Variants in PCDH11Y observed in about 807,000 individuals in gnomAD.
PCDH11Y encodes protocadherin 11 Y-linked.
For missense variants in PCDH11Y, 12 were observed against 224.8 expected (o/e 0.05, Z 6.05); for synonymous variants, 9 against 83.6 (o/e 0.11, Z 4.87).
At chrY:5,311,882 C>T in intron 2 of PCDH11Y, among the ~76,000 whole-genome samples, 1 of 27,443 alleles carries the variant, frequency 3.6e-5, no homozygotes, top group Non-Finnish European at 8.6e-5. Flanking sequence ...TTAGTAGTGG[C>T]GGGGTTTCTG....
intron 2 of PCDH11Y, among the ~76,000 whole-genome samples, chrY:5,123,981 G>C (rs2052822039): frequency 3.0e-5 from 1 of 33,230 alleles, no homozygotes; most frequent in Non-Finnish European, 7.4e-5. Flanking sequence ...CTATTTTTGA[G>C]TTTGAAGAAG....
rs1602954030 is a variant in PCDH11Y, at chrY:5,629,088, T to G, written c.3352+47290T>G. ...TCACTGGAGCCTTAATATCTTTTCC[T>G]TTTTCTGAGACTAATATTGAAATAT... On this transcript the variant is annotated intron_variant, in intron 4 of 4. Coordinates refer to the PCDH11Y transcript ENST00000400457. 1.5e-4 allele frequency among the ~76,000 whole-genome samples: 5 copies of G among 33,797 alleles called. No individual in the cohort carries two copies. In the East Asian group the frequency reaches 3.9e-3, roughly 26 times the overall value. 90.7% of individuals were successfully genotyped at this position (33,797 alleles called of 37,273 possible).
chrY:5,367,259 G>A, intron 2 of PCDH11Y, among the ~76,000 whole-genome samples: 2 of 31,712 alleles, frequency 6.3e-5, no homozygotes, highest in South Asian at 1.4e-3. Context: ...TTACAAATAC[G>A]GGTAACTTGT....
At chrY:5,481,998 T>TC (rs2053326492) in intron 2 of PCDH11Y, among the ~76,000 whole-genome samples, 1 of 21,666 alleles carries the variant, frequency 4.6e-5, no homozygotes, top group Non-Finnish European at 1.1e-4. Context: ...TCTTTTTTCT[T>TC]TTTTTTTTTT....
intron 2 of PCDH11Y, among the ~76,000 whole-genome samples, chrY:5,384,872 A>G: frequency 3.7e-5 from 1 of 27,170 alleles, no homozygotes; most frequent in African/African-American, 1.5e-4. Flanking sequence ...GCCCTCTTCA[A>G]TTGTTTGTTA....
chrY:5,662,004 G>T, intron 4 of PCDH11Y, among the ~76,000 whole-genome samples: 1 of 32,306 alleles, frequency 3.1e-5, no homozygotes, highest in Non-Finnish European at 7.6e-5. Flanking sequence ...CTCTCTAGTG[G>T]CAGAAATCTA....
chrY:5,137,054 G>A, intron 2 of PCDH11Y, among the ~76,000 whole-genome samples: 1 of 32,511 alleles, frequency 3.1e-5, no homozygotes, highest in African/African-American at 1.2e-4. Context: ...ACAAAGGAAA[G>A]AATCTTAAGA....
At chrY:5,186,123 G>C in intron 2 of PCDH11Y, among the ~76,000 whole-genome samples, 1 of 33,291 alleles carries the variant, frequency 3.0e-5, no homozygotes, top group Non-Finnish European at 7.4e-5. Flanking sequence ...TGAGGCAAGA[G>C]AAAGAAATAA....
At chrY:5,213,715 C>G in intron 2 of PCDH11Y, among the ~76,000 whole-genome samples, 1 of 31,485 alleles carries the variant, frequency 3.2e-5, no homozygotes, top group Non-Finnish European at 7.7e-5. Context: ...TAGAAGGCCT[C>G]AAGAAAGTCC....
At chrY:5,577,647 A>C in intron 3 of PCDH11Y, among the ~76,000 whole-genome samples, 1 of 33,021 alleles carries the variant, frequency 3.0e-5, no homozygotes, top group Admixed American at 2.8e-4. Flanking sequence ...TTAATTTTAT[A>C]TTTGCAATAC....
At chrY:5,339,961 T>G in intron 2 of PCDH11Y, among the ~76,000 whole-genome samples, 1 of 32,403 alleles carries the variant, frequency 3.1e-5, no homozygotes, top group Non-Finnish European at 7.5e-5. Flanking sequence ...TAGTCAGGGT[T>G]TTCTAGAGGG....
intron 2 of PCDH11Y, among the ~76,000 whole-genome samples, chrY:5,386,019 C>G: frequency 3.0e-5 from 1 of 33,276 alleles, no homozygotes; most frequent in Non-Finnish European, 7.4e-5. Context: ...CTTGATAGCT[C>G]CTTTTAGCAG....
intron 4 of PCDH11Y, among the ~76,000 whole-genome samples, chrY:5,617,310 A>G: frequency 8.9e-5 from 3 of 33,612 alleles, no homozygotes; most frequent in African/African-American, 3.5e-4. Flanking sequence ...ACTGTAAACT[A>G]TAGCAAGGAT....
intron 2 of PCDH11Y, among the ~76,000 whole-genome samples, chrY:5,169,588 C>T: frequency 3.2e-5 from 1 of 31,526 alleles, no homozygotes; most frequent in African/African-American, 1.2e-4. Context: ...GAATCCTCTC[C>T]GTGGTGAAAC....
intron 2 of PCDH11Y, among the ~76,000 whole-genome samples, chrY:5,165,907 C>T (rs2052878869): frequency 3.1e-5 from 1 of 32,064 alleles, no homozygotes; most frequent in Admixed American, 2.9e-4. Flanking sequence ...AGAAGAAAGA[C>T]GAAATATTTT....
chrY:5,168,141 A>G, intron 2 of PCDH11Y, among the ~76,000 whole-genome samples: 1 of 31,424 alleles, frequency 3.2e-5, no homozygotes, highest in Admixed American at 3.0e-4. Flanking sequence ...ACAAATTGAA[A>G]TAGTTTATTT....
intron 2 of PCDH11Y, among the ~76,000 whole-genome samples, chrY:5,137,623 C>T (rs2052842239): frequency 3.1e-5 from 1 of 32,136 alleles, no homozygotes; most frequent in Non-Finnish European, 7.6e-5. Flanking sequence ...GTAGCTATTC[C>T]TATATCAGAC....
chrY:5,131,822 A>G, intron 2 of PCDH11Y, among the ~76,000 whole-genome samples: 1 of 33,718 alleles, frequency 3.0e-5, no homozygotes, highest in Non-Finnish European at 7.4e-5. Context: ...AACGTGGCAT[A>G]TTAAATTATT....
intron 1 of PCDH11Y, among the ~76,000 whole-genome samples, chrY:5,089,515 A>G (rs2052737317): frequency 3.0e-5 from 1 of 33,486 alleles, no homozygotes; most frequent in Non-Finnish European, 7.4e-5. Flanking sequence ...AATCTACCAC[A>G]AGATTCTGTC....
Sources: gnomAD v4.1 joint callset for allele counts (sites outside exome capture counted in the v4.1 genomes callset) on GRCh38, gnomAD v4.1.1 for gene constraint, MANE v1.5 for transcripts, NCBI Gene and HGNC (gene_info 2026-07-23, HGNC 2026-07-21) for gene names.